ZNF704: variants seen among roughly 807,000 people sequenced by gnomAD.
ZNF704 encodes the protein glucocorticoid induced gene 1.
In ZNF704, 10 loss-of-function variants were observed where a neutral mutation model predicts 44.7. The observed-to-expected ratio is 0.22, with a 90% CI of 0.14 to 0.38. The LOEUF (loss-of-function observed/expected upper bound fraction) is 0.38. Among genes scored for constraint, ZNF704 ranks in the 10% least tolerant of loss-of-function variants. ZNF704 has a pLI of 1.00. For missense variants in ZNF704, 390 were observed against 545.5 expected (o/e 0.71, Z 2.84); for synonymous variants, 211 against 207.6 (o/e 1.02, Z -0.14).
At chr8:80,867,929 T>C (rs1809185211) in intron 1 of ZNF704, among the ~76,000 whole-genome samples, 1 of 152,252 alleles carries the variant, frequency 6.6e-6, no homozygotes, top group Non-Finnish European at 1.5e-5. Flanking sequence ...GGTAGGCTTC[T>C]AGCAGTCTTT....
chr8:80,647,608 T>C (rs1817853749), intron 7 of ZNF704, among the ~76,000 whole-genome samples: 1 of 152,184 alleles, frequency 6.6e-6, no homozygotes, highest in Admixed American at 6.5e-5. Flanking sequence ...AGACTAGGTA[T>C]GGCGGCAGTG....
intron 7 of ZNF704, among the ~76,000 whole-genome samples, chr8:80,654,041 C>G (rs1481408824): frequency 6.6e-6 from 1 of 152,134 alleles, no homozygotes; most frequent in East Asian, 1.9e-4. Context: ...TGCCACATAT[C>G]TACAATTATC....
chr8:80,799,613 T>C (rs1028757238), intron 2 of ZNF704, among the ~76,000 whole-genome samples: 9 of 151,918 alleles, frequency 5.9e-5, no homozygotes, highest in African/African-American at 2.2e-4. Flanking sequence ...AAAACAACAA[T>C]GACAATGACA....
chr8:80,698,337 A>G (rs914556816), intron 2 of ZNF704, among the ~76,000 whole-genome samples: 1 of 152,162 alleles, frequency 6.6e-6, no homozygotes, highest in Non-Finnish European at 1.5e-5. Flanking sequence ...ACTGGAAGTG[A>G]GTATGGGTGT....
At chr8:80,664,272 A>ATTT (rs146856594) in intron 6 of ZNF704, among the ~76,000 whole-genome samples, 3 of 126,690 alleles carry the variant, frequency 2.4e-5, no homozygotes, top group African/African-American at 8.7e-5. Context: ...AACATTAGGG[A>ATTT]TTTTTTTTTT....
intron 2 of ZNF704, among the ~76,000 whole-genome samples, chr8:80,758,978 G>T (rs1807083744): frequency 6.6e-6 from 1 of 152,176 alleles, no homozygotes; most frequent in Admixed American, 6.5e-5. Context: ...AAGTGGCAAA[G>T]GAAGCATGTG....
chr8:80,792,045 G>C (rs1381034730), intron 2 of ZNF704, among the ~76,000 whole-genome samples: 1 of 152,270 alleles, frequency 6.6e-6, no homozygotes, highest in Admixed American at 6.5e-5. Context: ...CACAGCCCTG[G>C]GGGCACATCT....
chr8:80,799,872 G>A (rs1358222855), intron 2 of ZNF704, among the ~76,000 whole-genome samples: 8 of 152,026 alleles, frequency 5.3e-5, no homozygotes, highest in Non-Finnish European at 1.2e-4. Flanking sequence ...AAACTTCACC[G>A]AGCTAAAGGA....
At chr8:80,853,649 T>C (rs186144307) in intron 1 of ZNF704, among the ~76,000 whole-genome samples, 3 of 152,200 alleles carry the variant, frequency 2.0e-5, no homozygotes, top group East Asian at 3.9e-4. Context: ...AACTTGGTAA[T>C]AGATGAAACA....
chr8:80,640,637 A>G lies in ZNF704; in HGVS notation c.*729T>C, dbSNP rs1563500177. 1.3e-5 allele frequency: 2 copies of G among 152,200 alleles called. No homozygotes were observed. The highest frequency in any genetic ancestry group is 2.9e-5 in the Non-Finnish European group (2 of 68,076). 9.4% of individuals were successfully genotyped at this position (152,200 alleles called of 1,614,324 possible). A position where few individuals can be genotyped will look rare whatever the true frequency, so the allele number is the denominator to read the frequency against. ...TTATGGATCCAAGGAAGACTCCTAGATGTTTCCCAACAGTGACAGCTGGAC... is the reference window on the plus strand; with the variant it reads ...TTATGGATCCAAGGAAGACTCCTAGGTGTTTCCCAACAGTGACAGCTGGAC... On this transcript the variant is annotated 3_prime_UTR_variant, in exon 9 of 9. Transcript: ENST00000327835.
chr8:80,747,497 A>T (rs1454134065), intron 2 of ZNF704, among the ~76,000 whole-genome samples: 1 of 152,164 alleles, frequency 6.6e-6, no homozygotes, highest in Admixed American at 6.5e-5. Context: ...ACTGGGGACA[A>T]GGGCTTAGTA....
At chr8:80,839,839 TG>T (rs1808646476) in intron 1 of ZNF704, among the ~76,000 whole-genome samples, 20 of 150,602 alleles carry the variant, frequency 1.3e-4, no homozygotes, top group African/African-American at 4.6e-4. Context: ...CCAGCCATAA[TG>T]AGAGAGAGAG....
intron 2 of ZNF704, among the ~76,000 whole-genome samples, chr8:80,792,352 T>G (rs1807723516): frequency 6.6e-6 from 1 of 152,150 alleles, no homozygotes; most frequent in South Asian, 2.1e-4. Flanking sequence ...TCTTCTCAGG[T>G]TTAACACTTG....
chr8:80,842,166 G>C (rs149820735), intron 1 of ZNF704, among the ~76,000 whole-genome samples: 2 of 152,194 alleles, frequency 1.3e-5, no homozygotes, highest in African/African-American at 4.8e-5. Flanking sequence ...AAGAGTCTTT[G>C]TTTGCTGCAA....
rs751044014 is a variant in ZNF704, at chr8:80,633,997, T to TGC, written c.*7367_*7368dup. 1.3e-5 allele frequency: 2 copies of TGC among 152,260 alleles called. No homozygotes were observed. Among genetic ancestry groups the TGC allele is most frequent in the Non-Finnish European group, 2.9e-5 (2 of 68,050 alleles). The allele number at this position is 152,260 out of a possible 1,614,324, so 9.4% of individuals were successfully genotyped here. A position where few individuals can be genotyped will look rare whatever the true frequency, so the allele number is the denominator to read the frequency against. On this transcript the variant is annotated 3_prime_UTR_variant, in exon 9 of 9. Coordinates refer to ENST00000327835, the MANE Select transcript of ZNF704 (RefSeq NM_001033723.3). ...CCTACCAGTTCTGAAGCAAGGCTTC[T>TGC]GCTGTATCAGAGGTGAAGCAGTGGT...
rs1299480961 is a variant in ZNF704 at position 80,637,276 on chromosome 8, G to C, written c.*4090C>G. ...ATAACAAAATTCTTCCTAGTTTCAG[G>C]AGTCTCCAGACCTATTTTTGCATGC... On this transcript the variant is annotated 3_prime_UTR_variant, in exon 9 of 9. Coordinates refer to ENST00000327835, the MANE Select transcript of ZNF704 (RefSeq NM_001033723.3). 2.0e-5 allele frequency: 3 copies of C among 152,132 alleles called. No homozygotes were observed. The highest frequency in any genetic ancestry group is 2.9e-5 in the Non-Finnish European group (2 of 68,026). 9.4% of individuals were successfully genotyped at this position (152,132 alleles called of 1,614,324 possible). A position where few individuals can be genotyped will look rare whatever the true frequency, so the allele number is the denominator to read the frequency against.
intron 2 of ZNF704, among the ~76,000 whole-genome samples, chr8:80,800,389 T>C (rs1807879193): frequency 6.6e-6 from 1 of 151,828 alleles, no homozygotes; most frequent in South Asian, 2.1e-4. Flanking sequence ...AAGGTCGAAA[T>C]CAAAGAAAAA....
chr8:80,779,736 T>C (rs1182276131), intron 2 of ZNF704, among the ~76,000 whole-genome samples: 1 of 151,896 alleles, frequency 6.6e-6, no homozygotes, highest in African/African-American at 2.4e-5. Flanking sequence ...CATTTTAAAA[T>C]TATATTTTCT....
intron 7 of ZNF704, chr8:80,645,253 C>T (rs1453189222): frequency 3.0e-6 from 4 of 1,347,386 alleles, no homozygotes; most frequent in African/African-American, 2.9e-5. Context: ...ATCAGTATTG[C>T]CATATGTAGG....
Sources: gnomAD v4.1 joint callset for allele counts (sites outside exome capture counted in the v4.1 genomes callset) on GRCh38, gnomAD v4.1.1 for gene constraint, MANE v1.5 for transcripts, NCBI Gene and HGNC (gene_info 2026-07-23, HGNC 2026-07-21) for gene names.